Variants in MYO15A observed in about 807,000 individuals in gnomAD.
MYO15A encodes the protein unconventional myosin-XV.
A neutral mutation model predicts 394.6 loss-of-function variants in MYO15A; 308 were observed. The ratio of observed to expected loss-of-function variants is 0.78; its 90% CI spans 0.71 to 0.86. The LOEUF (loss-of-function observed/expected upper bound fraction) is 0.86. MYO15A is among the 40% of genes least tolerant of loss of function. The pLI, the probability that MYO15A is intolerant of heterozygous loss-of-function variation, is 0.00. For synonymous variants in MYO15A, 1,957 were observed against 2,003.8 expected (o/e 0.98, Z 0.62); for missense variants, 4,606 against 4,799.1 (o/e 0.96, Z 1.19).
At chr17:18,152,373 G>C (rs898989250) in intron 42 of MYO15A, among the ~76,000 whole-genome samples, 189 bp downstream of exon 42, 2 of 152,094 alleles carry the variant, frequency 1.3e-5, no homozygotes, top group African/African-American at 4.8e-5. Flanking sequence ...GCCCATCCTG[G>C]CCTCATGTAA....
rs1172510709 is a variant in MYO15A at position 18,156,360 on chromosome 17, C to T, written c.8601+24C>T. ...AGGTCAGGATCTTCTCACAGATCTT[C>T]CCTCCACCCAGGCTGAGGGCCAGCA... On this transcript the variant is annotated intron_variant, in intron 48 of 65. Transcript: ENST00000647165. The T allele has an allele frequency of 1.9e-6, 3 of 1,612,870 alleles. No individual in the cohort carries two copies. In the Admixed American group the frequency reaches 5.0e-5, roughly 27 times the overall value.
rs552781413 is a variant in MYO15A, at chr17:18,121,648, C to G, written c.2848C>G (p.Arg950Gly). ...PSPWPGGAGS[R>G]RGFSRPPPVP... is the part of the protein sequence containing the mutation. Reference sequence around the variant, plus strand: ...CCCCTGGCCAGGAGGTGCAGGCAGCCGCCGAGGCTTTTCCAGGCCACCCCC... The same window carrying G: ...CCCCTGGCCAGGAGGTGCAGGCAGCGGCCGAGGCTTTTCCAGGCCACCCCC... The change falls in exon 2 of 66, where the codon CGC (arginine) becomes GGC (glycine). Residue 950 changes from arginine (R) to glycine (G), a missense_variant. By Grantham distance (125) the Arg-to-Gly change is moderately radical (BLOSUM62 -2). Transcript: ENST00000647165. This position sits in a 1 kb window ranked among gnomAD's most constrained non-coding sequence, Gnocchi z 5.3. The G allele has an allele frequency of 6.2e-7, 1 of 1,605,624 alleles. No homozygotes were observed. Among genetic ancestry groups the G allele is most frequent in the Non-Finnish European group, 8.5e-7 (1 of 1,175,898 alleles).
In MYO15A at chr17:18,141,746, C is replaced by G; in HGVS notation, c.5625C>G (p.Asn1875Lys). 6.2e-7 allele frequency: 1 copy of G among 1,614,100 alleles called. No homozygotes were observed. Among genetic ancestry groups the G allele is most frequent in the Non-Finnish European group, 8.5e-7 (1 of 1,180,030 alleles). ...GTCGCCTGTGCAAAGTCATGCCAAA[C>G]ATGTACCGTGTTGGGGTCAGCAAGG... is the stretch of plus-strand genomic sequence containing the variant. The part of the protein sequence containing the change: ...VLSRLCKVMP[N>K]MYRVGVSKLF... The change falls in exon 23 of 66, where the codon AAC (asparagine) becomes AAG (lysine). Residue 1875 changes from asparagine to lysine, a missense_variant. Around this residue, in one of 2 missense-constraint regions of MYO15A, gnomAD observed 2,776 missense variants for 3,109.3 expected, o/e 0.89. Transcript: ENST00000647165.
chr17:18,159,578 G>A (rs1458803397), intron 54 of MYO15A, 28 bp from the exon 55 acceptor site: 20 of 1,612,436 alleles, frequency 1.2e-5, no homozygotes, highest in Non-Finnish European at 1.6e-5. Flanking sequence ...GGTTTGGTGG[G>A]TCTGAGTGGG....
In MYO15A at chr17:18,161,328, A is replaced by T. The variant is rs772331467; in HGVS notation, c.9398A>T (p.Gln3133Leu). ...ATGTGTCCTTGCAGGGACAGCTGCC[A>T]GCGAGGCTGGAGGCTGCTGTATATC... ...DNTSSKQDSC[Q>L]RGWRLLYIVT... Residue 3133 changes from glutamine to leucine, a missense_variant, in exon 57 of 66, where the codon CAG becomes CTG. Gln to Leu is a moderately radical substitution (Grantham distance 113, BLOSUM62 -2). Transcript: ENST00000647165. 6.2e-7 allele frequency: 1 copy of T among 1,614,004 alleles called. No homozygotes were observed. The highest frequency in any genetic ancestry group is 1.1e-5 in the South Asian group (1 of 91,084).
chr17:18,173,770 C>T lies in MYO15A; in HGVS notation c.10351-11C>T. Reference sequence around the variant, plus strand: ...CACAGGCCTGTCCGGCCCCTCTCCTCCTACTCCCAGGAATTGATGGTGAAG... The same window carrying T: ...CACAGGCCTGTCCGGCCCCTCTCCTTCTACTCCCAGGAATTGATGGTGAAG... On this transcript the variant is annotated splice_polypyrimidine_tract_variant and intron_variant, in intron 64 of 65. Transcript: ENST00000647165. The T allele has an allele frequency of 6.2e-7, 1 of 1,613,878 alleles. No individual in the cohort carries two copies.
At chr17:18,131,389 C>G (rs755884397) in intron 9 of MYO15A, 47 bp downstream of exon 9, 2 of 1,612,456 alleles carry the variant, frequency 1.2e-6, no homozygotes, top group Admixed American at 3.3e-5. Context: ...GCAGTGTCTT[C>G]CATGTCCTGC....
chr17:18,177,476 G>A (rs1227978229), intron 65 of MYO15A: 1 of 152,238 alleles, frequency 6.6e-6, no homozygotes, highest in Non-Finnish European at 1.5e-5. Context: ...TCCCAGCAAG[G>A]CCTAGAACAT....
In MYO15A at chr17:18,163,862, T is replaced by G. The variant is rs201561716; in HGVS notation, c.9787+24T>G. On this transcript the variant is annotated intron_variant, in intron 60 of 65. Coordinates refer to ENST00000647165, the MANE Select transcript of MYO15A (RefSeq NM_016239.4). ...TGGTGAGTGCCAGGAAGACTGAGCA[T>G]GCTGGGCCCATTCCCATCCCCGGGC... 166 of 1,608,310 alleles carry G rather than the reference T, an allele frequency of 1.0e-4. No individual in the cohort carries two copies. The East Asian group carries it at 3.3e-3, about 32-fold the overall frequency.
intron 1 of MYO15A, among the ~76,000 whole-genome samples, chr17:18,116,600 G>A (rs1426790213): frequency 6.6e-6 from 1 of 152,140 alleles, no homozygotes; most frequent in African/African-American, 2.4e-5. Context: ...GAGGAGCTGG[G>A]GCAGTTGTTG....
chr17:18,155,037 TCCCTGACATC>T lies in MYO15A; in HGVS notation c.8225-69_8225-60del. 2.1e-6 allele frequency: 3 copies of T among 1,428,314 alleles called. No homozygotes were observed. The Admixed American group carries it at 5.7e-5, about 27-fold the overall frequency. 88.5% of individuals were successfully genotyped at this position (1,428,314 alleles called of 1,614,324 possible). A position where few individuals can be genotyped will look rare whatever the true frequency, so the allele number is the denominator to read the frequency against. ...TCTTGCTGGGTATCAGCCACCTCCC[TCCCTGACATC>T]CCCGAGATGGGGGTTGCCAGGGGAG... On this transcript the variant is annotated intron_variant, in intron 45 of 65. Coordinates refer to ENST00000647165, the MANE Select transcript of MYO15A (RefSeq NM_016239.4).
chr17:18,144,073 C>T (rs1466220539), intron 28 of MYO15A, 73 bp downstream of exon 28: 1 of 1,603,720 alleles, frequency 6.2e-7, no homozygotes, highest in Admixed American at 1.7e-5. Context: ...TTGTCCTTGC[C>T]CTGGGGCAGG....
chr17:18,158,671 G>A, intron 52 of MYO15A, 33 bp downstream of exon 52: 2 of 1,606,240 alleles, frequency 1.2e-6, no homozygotes, highest in Admixed American at 1.7e-5. Context: ...TTCCCACAGT[G>A]GGAGGGTGCT....
intron 15 of MYO15A, 94 bp downstream of exon 15, chr17:18,136,780 C>G: frequency 6.7e-7 from 1 of 1,495,616 alleles, no homozygotes; most frequent in Non-Finnish European, 9.0e-7. Flanking sequence ...CCTTTCTGTG[C>G]CTGCAGCAGG....
intron 15 of MYO15A, among the ~76,000 whole-genome samples, chr17:18,137,094 G>A (rs546671585): frequency 3.3e-5 from 5 of 152,284 alleles, no homozygotes; most frequent in East Asian, 3.9e-4. Context: ...ACTGGACTTC[G>A]TGTGTTGGGG....
At chr17:18,126,306 T>A (rs750921737) in intron 4 of MYO15A, 41 bp from the exon 5 acceptor site, 31 of 1,540,554 alleles carry the variant, frequency 2.0e-5, no homozygotes, top group Non-Finnish European at 2.8e-5. Context: ...CATAGAGGTC[T>A]GCAAGGAGCC....
In MYO15A at chr17:18,124,269, G is replaced by A. The variant is rs974299073; in HGVS notation, c.3610-214G>A. The A allele has an allele frequency of 1.3e-4, 82 of 625,614 alleles. No homozygotes were observed. In the Admixed American group the frequency reaches 1.8e-3, roughly 14 times the overall value. The allele number at this position is 625,614 out of a possible 1,614,324, so 38.8% of individuals were successfully genotyped here. On this transcript the variant is annotated intron_variant, in intron 2 of 65. Coordinates refer to ENST00000647165, the MANE Select transcript of MYO15A (RefSeq NM_016239.4). ...TGGGAGCTCATGGGAGGGCCTGCCT[G>A]GGCACTGAGGGTATGCGTGTGTCTC...
intron 52 of MYO15A, 72 bp downstream of exon 52, chr17:18,158,710 G>A: frequency 6.4e-7 from 1 of 1,560,178 alleles, no homozygotes; most frequent in Non-Finnish European, 8.8e-7. Flanking sequence ...CAAACTGCAG[G>A]CTGTCAGTCT....
chr17:18,118,900 T>C lies in MYO15A; in HGVS notation c.100T>C (p.Ser34Pro). Residue 34 changes from serine to proline, a missense_variant, in exon 2 of 66, where the codon TCG (serine) becomes CCG (proline). Coordinates refer to ENST00000647165, the MANE Select transcript of MYO15A (RefSeq NM_016239.4). Reference sequence around the variant, plus strand: ...GCCCAAACGGAGCCTGAAGGGGACGTCGCGGCTGTTCATGGGCTTCCGCGA... The same window carrying C: ...GCCCAAACGGAGCCTGAAGGGGACGCCGCGGCTGTTCATGGGCTTCCGCGA... ...EKPKRSLKGT[S>P]RLFMGFRDRT... 6.2e-7 allele frequency: 1 copy of C among 1,613,816 alleles called. No homozygotes were observed. Among genetic ancestry groups the C allele is most frequent in the South Asian group, 1.1e-5 (1 of 91,062 alleles).
Sources: gnomAD v4.1 joint callset for allele counts (sites outside exome capture counted in the v4.1 genomes callset) on GRCh38, gnomAD v4.1.1 for gene constraint, gnomAD v4.1.1 regional missense constraint, Gnocchi (gnomAD v3.1) non-coding constraint, MANE v1.5 for transcripts, NCBI Gene and HGNC (gene_info 2026-07-23, HGNC 2026-07-21) for gene names.